Variants in IFT43 observed in about 807,000 individuals in gnomAD.
IFT43 encodes the protein intraflagellar transport protein 43 homolog.
In IFT43, 33 loss-of-function variants were observed where a neutral mutation model predicts 32.3. That is an observed-to-expected ratio of 1.02 (90% CI 0.77 to 1.37). IFT43 has a LOEUF of 1.37. Among genes scored for constraint, IFT43 ranks in the 40% most tolerant of loss-of-function variants. The pLI is 0.00. For missense variants in IFT43, 274 were observed against 265.9 expected (o/e 1.03, Z -0.21); for synonymous variants, 93 against 98.2 (o/e 0.95, Z 0.31).
chr14:76,072,834 A>G (rs2037345546), intron 5 of IFT43, among the ~76,000 whole-genome samples: 1 of 152,220 alleles, frequency 6.6e-6, no homozygotes, highest in African/African-American at 2.4e-5. Flanking sequence ...AGAAGACAGG[A>G]TCAGGATAGG....
Position 76,026,322 on chromosome 14 carries a change from G to T in IFT43, c.215+3928G>T, listed in dbSNP as rs540175777. On this transcript the variant is annotated intron_variant, in intron 3 of 8. Transcript: ENST00000314067. The stretch of plus-strand genomic sequence containing the variant: ...GCCTGTAATCCCAGCACTTTGGGAG[G>T]CCAAGGTGGGTGAATCACCTGAGGT... Among the ~76,000 whole-genome samples the T allele has an allele frequency of 2.6e-5, 4 of 152,288 alleles. No individual in the cohort carries two copies. In the East Asian group the frequency reaches 7.7e-4, roughly 29 times the overall value.
At chr14:76,019,059 GT>G (rs1165215091) in intron 2 of IFT43, among the ~76,000 whole-genome samples, 3 of 151,848 alleles carry the variant, frequency 2.0e-5, no homozygotes, top group African/African-American at 4.8e-5. Flanking sequence ...TTGTTTTCTG[GT>G]TGTTTTATAT....
intron 2 of IFT43, among the ~76,000 whole-genome samples, chr14:76,006,697 T>TA (rs1399787357): frequency 2.0e-5 from 3 of 152,128 alleles, no homozygotes; most frequent in African/African-American, 7.2e-5. Flanking sequence ...AAAAAATGGT[T>TA]AAAAAAATGT....
intron 3 of IFT43, among the ~76,000 whole-genome samples, chr14:76,037,123 T>C (rs555075432): frequency 1.3e-5 from 2 of 152,366 alleles, no homozygotes; most frequent in South Asian, 2.1e-4. Flanking sequence ...TTCCTAGTCA[T>C]GGTGTTTAAC....
chr14:76,082,822 A>G (rs1410129974), intron 7 of IFT43, 130 bp downstream of exon 7: 10 of 774,126 alleles, frequency 1.3e-5, no homozygotes, highest in South Asian at 9.6e-5. Flanking sequence ...CCTGGCACCC[A>G]TACCTCTGCT....
chr14:76,076,929 C>T (rs1389904820), intron 5 of IFT43, among the ~76,000 whole-genome samples: 5 of 151,914 alleles, frequency 3.3e-5, no homozygotes, highest in African/African-American at 1.2e-4. Flanking sequence ...TCTGTGGTAT[C>T]ATCTGCTGAA....
chr14:76,002,873 A>G (rs1191004019), intron 2 of IFT43, among the ~76,000 whole-genome samples: 1 of 152,218 alleles, frequency 6.6e-6, no homozygotes, highest in African/African-American at 2.4e-5. Flanking sequence ...TGCGAGAGCA[A>G]CGAAGTCCGT....
intron 5 of IFT43, among the ~76,000 whole-genome samples, chr14:76,074,994 G>C (rs1286740871): frequency 6.6e-6 from 1 of 152,196 alleles, no homozygotes; most frequent in Non-Finnish European, 1.5e-5. Flanking sequence ...AGTATCAGGA[G>C]AGATTCAGTT....
chr14:76,025,784 G>A (rs1377170768), intron 3 of IFT43, among the ~76,000 whole-genome samples: 2 of 152,048 alleles, frequency 1.3e-5, no homozygotes, highest in Non-Finnish European at 2.9e-5. Flanking sequence ...TTTACACTAT[G>A]TACAAAAATT....
At chr14:75,994,129 T>C (rs1167560981) in intron 2 of IFT43, among the ~76,000 whole-genome samples, 1 of 152,000 alleles carries the variant, frequency 6.6e-6, no homozygotes, top group Non-Finnish European at 1.5e-5. Flanking sequence ...GCCCTGGGTA[T>C]GAAGAGAAAA....
chr14:75,986,237 G>A, intron 1 of IFT43: 1 of 1,293,420 alleles, frequency 7.7e-7, no homozygotes, highest in Non-Finnish European at 1.0e-6. Context: ...ACACCTCGTC[G>A]CAGAAGTTCC....
intron 3 of IFT43, among the ~76,000 whole-genome samples, chr14:76,025,743 C>A (rs900248399): frequency 3.9e-5 from 6 of 152,176 alleles, no homozygotes; most frequent in African/African-American, 1.2e-4. Context: ...ACTGGCTAGT[C>A]ATAAGCAGAA....
intron 2 of IFT43, among the ~76,000 whole-genome samples, chr14:76,013,455 A>G (rs983223748): frequency 1.3e-5 from 2 of 152,222 alleles, no homozygotes; most frequent in Admixed American, 1.3e-4. Flanking sequence ...AGCTGGTCAT[A>G]AAACGAGCAA....
rs1160265594 is a variant in IFT43 at position 76,083,601 on chromosome 14, T to C, written c.*24T>C. ...GAGCCCGTCACCCATGCTCTAGACATGAAGAAATGCAATGAGCTTAAAGCT... is the reference window on the plus strand; with the variant it reads ...GAGCCCGTCACCCATGCTCTAGACACGAAGAAATGCAATGAGCTTAAAGCT... On this transcript the variant is annotated 3_prime_UTR_variant, in exon 9 of 9. Coordinates refer to ENST00000314067, the MANE Select transcript of IFT43 (RefSeq NM_001102564.3). 1.2e-6 allele frequency: 2 copies of C among 1,612,596 alleles called. No individual in the cohort carries two copies. The highest frequency in any genetic ancestry group is 3.3e-5 in the Admixed American group (2 of 60,010).
intron 2 of IFT43, among the ~76,000 whole-genome samples, chr14:75,993,414 A>G (rs1476605856): frequency 6.6e-6 from 1 of 152,196 alleles, no homozygotes; most frequent in African/African-American, 2.4e-5. Context: ...GCTTACATGC[A>G]TCCATCCCTC....
At chr14:76,071,913 C>T (rs540349301) in intron 5 of IFT43, among the ~76,000 whole-genome samples, 3 of 152,118 alleles carry the variant, frequency 2.0e-5, no homozygotes, top group African/African-American at 4.8e-5. Flanking sequence ...GTCTCCTAAC[C>T]CCCCCTGCTC....
chr14:76,071,557 A>G (rs1007437201), intron 5 of IFT43, among the ~76,000 whole-genome samples: 1 of 152,180 alleles, frequency 6.6e-6, no homozygotes, highest in Non-Finnish European at 1.5e-5. Flanking sequence ...AACTCCCAAC[A>G]TGACATCACT....
rs555414085 is a variant in IFT43 at position 75,994,282 on chromosome 14, A to G, written c.147+5305A>G. Among the ~76,000 whole-genome samples the G allele has an allele frequency of 2.0e-5, 3 of 152,154 alleles. No individual in the cohort carries two copies. In the South Asian group the frequency reaches 6.2e-4, roughly 32 times the overall value. On this transcript the variant is annotated intron_variant, in intron 2 of 8. Transcript: ENST00000314067. ...TTTCCTTCTGATTGTCTCCATACCC[A>G]CTTAGGACGTGGTGCCAGTAGGATG...
Position 76,080,664 on chromosome 14 carries a change from C to T in IFT43, c.296-1631C>T, listed in dbSNP as rs568167605. Among the ~76,000 whole-genome samples the T allele has an allele frequency of 1.0e-3, 159 of 152,330 alleles. 1 individual carries two copies. Among genetic ancestry groups the T allele is most frequent in the Middle Eastern group, 3.4e-3 (1 of 294 alleles). On this transcript the variant is annotated intron_variant, in intron 5 of 8. Coordinates refer to ENST00000314067, the MANE Select transcript of IFT43 (RefSeq NM_001102564.3). ...GATGGTGCGTGGCACAGCCAGCTTCCTCTCTGTCCCTCCATAGGGCCTGTG... is the reference window on the plus strand; with the variant it reads ...GATGGTGCGTGGCACAGCCAGCTTCTTCTCTGTCCCTCCATAGGGCCTGTG...
Sources: allele counts gnomAD v4.1 joint callset (sites outside exome capture counted in the v4.1 genomes callset), GRCh38; gene constraint gnomAD v4.1.1; transcripts MANE v1.5; gene names NCBI Gene and HGNC (gene_info 2026-07-23, HGNC 2026-07-21).